The following TEAD1 variants were observed in gnomAD, a reference collection of about 807,000 sequenced individuals.
The protein encoded by TEAD1 is TEA domain transcription factor 1, also known as transcriptional enhancer factor TEF-1.
Under a neutral mutation model 54.9 loss-of-function variants are expected in TEAD1, and 9 were observed. That is an observed-to-expected ratio of 0.16 (90% CI 0.10 to 0.29). The LOEUF is 0.29. Ranked by LOEUF, TEAD1 falls within the 10% of genes least tolerant of loss-of-function variation. The pLI is 1.00. For missense variants in TEAD1, 387 were observed against 535.9 expected, an observed-to-expected ratio of 0.72 and a Z score of 2.74; for synonymous variants, 200 against 187.8, an observed-to-expected ratio of 1.07 and a Z score of -0.53.
At chr11:12,843,104 A>T (rs1243844497) in intron 3 of TEAD1, among the ~76,000 whole-genome samples, 1 of 152,126 alleles carries the variant, frequency 6.6e-6, no homozygotes, top group Non-Finnish European at 1.5e-5. Context: ...TAAGTCCTTT[A>T]AGTCATCCAT....
At position 12,934,572 on chromosome 11, in the gene TEAD1, TA is replaced by T. The variant is rs544252673; in HGVS notation, c.1168-2525del. 8.7e-3 allele frequency among the ~76,000 whole-genome samples: 1,237 copies of T among 141,442 alleles called. 4 individuals carry two copies. The highest frequency in any genetic ancestry group is 0.024 in the African/African-American group (949 of 38,956). The allele number at this position is 141,442 out of a possible 152,430, so 92.8% of individuals were successfully genotyped here. The stretch of plus-strand genomic sequence containing the variant: ...ATAAATAAATAAATAAAGCTAAACT[TA>T]AAAAAAAAAAAGAATGGATAGAAAA... On this transcript the variant is annotated intron_variant, in intron 12 of 12. Transcript: ENST00000527636.
intron 3 of TEAD1, among the ~76,000 whole-genome samples, chr11:12,789,171 C>T (rs1945745641): frequency 1.3e-5 from 2 of 152,162 alleles, no homozygotes; most frequent in African/African-American, 4.8e-5. Flanking sequence ...AACATTACTA[C>T]CTCTAGCTGT....
intron 3 of TEAD1, among the ~76,000 whole-genome samples, chr11:12,787,353 C>CT (rs1431120390): frequency 2.0e-5 from 3 of 152,170 alleles, no homozygotes; most frequent in Non-Finnish European, 4.4e-5. Flanking sequence ...TTATCTACCT[C>CT]TTTTTTGCTA....
intron 3 of TEAD1, among the ~76,000 whole-genome samples, chr11:12,770,944 A>G (rs1378251951): frequency 2.0e-5 from 3 of 152,348 alleles, no homozygotes; most frequent in Non-Finnish European, 4.4e-5. Context: ...ATTATAGATT[A>G]TTTTGGATTT....
At chr11:12,778,928 G>A (rs73423654) in intron 3 of TEAD1, among the ~76,000 whole-genome samples, 11,080 of 152,084 alleles carry the variant, frequency 0.073, 1,396 homozygotes, top group African/African-American at 0.26. Flanking sequence ...CCACTCCCCT[G>A]TTTACACTTT....
Position 12,772,604 on chromosome 11 carries a change from A to G in TEAD1, c.202+8170A>G, listed in dbSNP as rs76266997. Among the ~76,000 whole-genome samples, 911 of 152,266 alleles carry G rather than the reference A, an allele frequency of 6.0e-3. 11 individuals carry two copies. The highest frequency in any genetic ancestry group is 0.021 in the African/African-American group (869 of 41,540). ...GCAGTGAGTATTAGCAGAGAGTATT[A>G]CTTTCTTTTTTATTTGAAATTTTTG... is the stretch of plus-strand genomic sequence containing the variant. On this transcript the variant is annotated intron_variant, in intron 3 of 12. Coordinates refer to ENST00000527636, the MANE Select transcript of TEAD1 (RefSeq NM_021961.6).
intron 3 of TEAD1, among the ~76,000 whole-genome samples, chr11:12,774,931 T>C (rs920243445): frequency 6.6e-6 from 1 of 151,984 alleles, no homozygotes; most frequent in African/African-American, 2.4e-5. Context: ...CCAGGCTTAA[T>C]ACCTGGGCAA....
intron 2 of TEAD1, among the ~76,000 whole-genome samples, chr11:12,748,229 T>G (rs1944790425): frequency 6.6e-6 from 1 of 152,230 alleles, no homozygotes; most frequent in African/African-American, 2.4e-5. Context: ...CCCAAAGTGC[T>G]GGGATTACAG....
chr11:12,858,550 CTTGT>C (rs1419507552), intron 3 of TEAD1, among the ~76,000 whole-genome samples: 2 of 152,128 alleles, frequency 1.3e-5, no homozygotes, highest in South Asian at 2.1e-4. Flanking sequence ...GTTTCTAAGA[CTTGT>C]TTAAGGGAAG....
At chr11:12,776,757 TTTATTATTATTATTATTATTATTA>T (rs71037087) in intron 3 of TEAD1, among the ~76,000 whole-genome samples, 1 of 137,728 alleles carries the variant, frequency 7.3e-6, no homozygotes, top group Non-Finnish European at 1.5e-5. Flanking sequence ...CATTTGGATA[TTTATTATTATTATTATTATTATTA>T]TTATTATTAT....
At position 12,680,630 on chromosome 11, in the gene TEAD1, G is replaced by A. The variant is rs138495806; in HGVS notation, c.-55+5069G>A. On this transcript the variant is annotated intron_variant, in intron 2 of 12. Coordinates refer to ENST00000527636, the MANE Select transcript of TEAD1 (RefSeq NM_021961.6). ...CTCTCTGTTCACCTGATCTATCCCC[G>A]TACACGTGCTCACATGCAGACTGCA... Among the ~76,000 whole-genome samples the A allele has an allele frequency of 9.1e-4, 139 of 152,284 alleles. 1 individual carries two copies. The highest frequency in any genetic ancestry group is 3.2e-3 in the African/African-American group (132 of 41,558).
At chr11:12,841,618 G>A (rs1947043321) in intron 3 of TEAD1, among the ~76,000 whole-genome samples, 2 of 152,112 alleles carry the variant, frequency 1.3e-5, no homozygotes, top group Non-Finnish European at 2.9e-5. Flanking sequence ...TGCATTTTTT[G>A]GGAGATATGC....
chr11:12,856,456 C>T (rs2134059283), intron 3 of TEAD1, among the ~76,000 whole-genome samples: 1 of 152,162 alleles, frequency 6.6e-6, no homozygotes, highest in East Asian at 1.9e-4. Context: ...AGGATGAGGC[C>T]TTGGGAAGGT....
chr11:12,845,301 C>T (rs1012402718), intron 3 of TEAD1, among the ~76,000 whole-genome samples: 1 of 152,066 alleles, frequency 6.6e-6, no homozygotes, highest in African/African-American at 2.4e-5. Context: ...TTATTTTCTC[C>T]AGTTGCAGCT....
At chr11:12,880,300 A>G (rs1430221172) in intron 6 of TEAD1, among the ~76,000 whole-genome samples, 1 of 152,228 alleles carries the variant, frequency 6.6e-6, no homozygotes, top group Non-Finnish European at 1.5e-5. Context: ...GCTGAGAAGC[A>G]TTATGTTATA....
chr11:12,806,361 C>G (rs1197753846), intron 3 of TEAD1, among the ~76,000 whole-genome samples: 1 of 152,224 alleles, frequency 6.6e-6, no homozygotes, highest in African/African-American at 2.4e-5. Context: ...GTGACACAAT[C>G]TGCCCTTTTG....
rs185306970 is a variant in TEAD1, at chr11:12,839,495, T to C, written c.203-22755T>C. Among the ~76,000 whole-genome samples the C allele has an allele frequency of 2.2e-3, 339 of 152,334 alleles. 8 individuals are homozygous for C. The highest frequency in any genetic ancestry group is 0.018 in the Admixed American group (278 of 15,298). On this transcript the variant is annotated intron_variant, in intron 3 of 12. Transcript: ENST00000527636. ...AAATACTGCATCCACTCTGTCCACA[T>C]GTTTCTGGCCTGTCCATTCAGTTAA...
intron 2 of TEAD1, among the ~76,000 whole-genome samples, chr11:12,691,803 G>A (rs1230489978): frequency 6.6e-6 from 1 of 151,962 alleles, no homozygotes; most frequent in Admixed American, 6.6e-5. Flanking sequence ...TATTACCACC[G>A]TGAGCCATTC....
intron 2 of TEAD1, among the ~76,000 whole-genome samples, chr11:12,708,351 T>C (rs1943863625): frequency 6.6e-6 from 1 of 152,024 alleles, no homozygotes; most frequent in Non-Finnish European, 1.5e-5. Flanking sequence ...AATGTAACAA[T>C]GCCTGTCACT....
Sources: gnomAD v4.1 joint callset for allele counts (sites outside exome capture counted in the v4.1 genomes callset) on GRCh38, gnomAD v4.1.1 for gene constraint, MANE v1.5 for transcripts, NCBI Gene and HGNC (gene_info 2026-07-23, HGNC 2026-07-21) for gene names.